KIF21A: variants seen among roughly 807,000 people sequenced by gnomAD.
The protein encoded by KIF21A is kinesin-like protein KIF21A.
Under a neutral mutation model 202.9 loss-of-function variants are expected in KIF21A, and 114 were observed. The observed-to-expected ratio is 0.56, with a 90% confidence interval of 0.48 to 0.66. The LOEUF (loss-of-function observed/expected upper bound fraction) is 0.66, where lower values mean the gene tolerates loss of function less well. Among genes scored for constraint, KIF21A ranks in the 30% least tolerant of loss-of-function variants. The pLI is 0.00. For missense variants in KIF21A, 1,677 were observed against 1,994.9 expected (o/e 0.84, Z 3.04); for synonymous variants, 667 against 670.8 (o/e 0.99, Z 0.09).
intron 1 of KIF21A, among the ~76,000 whole-genome samples, chr12:39,423,275 C>G (rs1479222317): frequency 6.6e-6 from 1 of 152,020 alleles, no homozygotes; most frequent in East Asian, 1.9e-4. Context: ...TTTCTTGCTC[C>G]CTAATGTAGT....
chr12:39,417,789 T>A (rs1325491545), intron 1 of KIF21A, among the ~76,000 whole-genome samples: 2 of 151,976 alleles, frequency 1.3e-5, no homozygotes, highest in African/African-American at 4.8e-5. Context: ...TATATATATA[T>A]TATTAATATA....
chr12:39,408,991 TTTTA>T (rs1019124917), intron 1 of KIF21A, among the ~76,000 whole-genome samples: 22 of 151,966 alleles, frequency 1.4e-4, no homozygotes, highest in African/African-American at 4.6e-4. Flanking sequence ...AGCTAATCTT[TTTTA>T]TTTTTTATTT....
chr12:39,307,061 T>C (rs534129439), intron 34 of KIF21A, among the ~76,000 whole-genome samples: 1 of 152,218 alleles, frequency 6.6e-6, no homozygotes, highest in Non-Finnish European at 1.5e-5. Context: ...TTTTAATTTA[T>C]CATTTTTTTC....
intron 1 of KIF21A, among the ~76,000 whole-genome samples, chr12:39,413,265 T>C (rs988834442): frequency 4.6e-5 from 7 of 152,200 alleles, no homozygotes. Flanking sequence ...AATCTTTGTT[T>C]CCAGTTTAAA....
chr12:39,344,738 T>C (rs552838965), intron 12 of KIF21A, among the ~76,000 whole-genome samples: 11 of 152,328 alleles, frequency 7.2e-5, no homozygotes, highest in Middle Eastern at 3.4e-3. Flanking sequence ...TTGATAGTTA[T>C]AATTTTTATA....
chr12:39,345,281 C>T (rs918411168), intron 12 of KIF21A, among the ~76,000 whole-genome samples: 2 of 152,076 alleles, frequency 1.3e-5, no homozygotes, highest in African/African-American at 4.8e-5. Flanking sequence ...TTTAATGACG[C>T]ATCTTATTTT....
chr12:39,330,760 C>T lies in KIF21A; in HGVS notation c.3305G>A (p.Gly1102Asp), dbSNP rs1946438829. The T allele has an allele frequency of 6.2e-7, 1 of 1,613,780 alleles. No homozygotes were observed. The highest frequency in any genetic ancestry group is 1.7e-5 in the Admixed American group (1 of 59,996). ...GAGCAAATTACCTTGTAAAGCATGG[C>T]CTAGTAAAGCATCTAGCTCAGGATT... Reference protein sequence around the residue: ...ELNPELDALLGHALQDLDSVP... With the variant: ...ELNPELDALLDHALQDLDSVP... Residue 1102 changes from glycine (G) to aspartate (D), a missense_variant, in exon 23 of 38, where the codon GGC (glycine) becomes GAC (aspartate). This residue lies in a region of KIF21A where 705 missense variants were observed against 791.9 expected (regional missense o/e 0.89). Transcript: ENST00000361418.
At chr12:39,436,448 A>ATATATATATATATATATTTTT (rs1387332677) in intron 1 of KIF21A, among the ~76,000 whole-genome samples, 4 of 95,764 alleles carry the variant, frequency 4.2e-5, no homozygotes, top group East Asian at 3.2e-4. Context: ...ATATATATAT[A>ATATATATATATATATATTTTT]TTTTTTTTTT....
At chr12:39,369,526 C>T (rs1361096737) in intron 3 of KIF21A, among the ~76,000 whole-genome samples, 2 of 152,074 alleles carry the variant, frequency 1.3e-5, no homozygotes, top group Non-Finnish European at 2.9e-5. Flanking sequence ...GGACATTGGT[C>T]AAGTGTTTAT....
At chr12:39,375,414 A>G (rs571749378) in intron 1 of KIF21A, among the ~76,000 whole-genome samples, 2 of 152,210 alleles carry the variant, frequency 1.3e-5, no homozygotes, top group South Asian at 4.1e-4. Context: ...CAAGACCCAG[A>G]CTGCTCTTTT....
chr12:39,373,025 T>C (rs1950059402), intron 1 of KIF21A, among the ~76,000 whole-genome samples: 1 of 152,186 alleles, frequency 6.6e-6, no homozygotes, highest in African/African-American at 2.4e-5. Flanking sequence ...CATTATCTCT[T>C]ACTTAGAATA....
In KIF21A at chr12:39,347,888, T is replaced by G. The variant is rs377280486; in HGVS notation, c.1674-1384A>C. On this transcript the variant is annotated intron_variant, in intron 11 of 37. Coordinates refer to ENST00000361418, the MANE Select transcript of KIF21A (RefSeq NM_001173464.2). Reference sequence around the variant, plus strand: ...ATCCAAAAATATGGGATTTAATGTGTGAATGGTAAATTTTCCTCGTCCACA... The same window carrying G: ...ATCCAAAAATATGGGATTTAATGTGGGAATGGTAAATTTTCCTCGTCCACA... Among the ~76,000 whole-genome samples the G allele has an allele frequency of 9.9e-4, 150 of 152,038 alleles. 1 individual carries two copies. The highest frequency in any genetic ancestry group is 3.3e-3 in the African/African-American group (138 of 41,434).
At chr12:39,328,638 G>A (rs1222657657) in intron 24 of KIF21A, among the ~76,000 whole-genome samples, 1 of 152,124 alleles carries the variant, frequency 6.6e-6, no homozygotes, top group Non-Finnish European at 1.5e-5. Context: ...GCTGGCCCTG[G>A]CTCATCCTCT....
chr12:39,415,503 A>G (rs1953502450), intron 1 of KIF21A, among the ~76,000 whole-genome samples: 1 of 152,040 alleles, frequency 6.6e-6, no homozygotes, highest in Non-Finnish European at 1.5e-5. Flanking sequence ...GCCTCCCAGC[A>G]GCCTCGGCCT....
At chr12:39,423,298 T>C (rs1457429290) in intron 1 of KIF21A, among the ~76,000 whole-genome samples, 1 of 152,008 alleles carries the variant, frequency 6.6e-6, no homozygotes, top group Non-Finnish European at 1.5e-5. Context: ...CCAGTATCTC[T>C]CTTCTTTTTT....
At chr12:39,294,628 T>G (rs1427779196) in intron 37 of KIF21A, 111 bp from the exon 38 acceptor site, 1 of 798,658 alleles carries the variant, frequency 1.3e-6, no homozygotes, top group African/African-American at 1.7e-5. Context: ...CTTCAAGAAA[T>G]CCAAGTATAA....
intron 1 of KIF21A, among the ~76,000 whole-genome samples, chr12:39,422,823 ATCTT>A (rs1436220932): frequency 6.6e-6 from 1 of 152,164 alleles, no homozygotes; most frequent in Non-Finnish European, 1.5e-5. Flanking sequence ...CCCATCATCT[ATCTT>A]TCATTTCCTT....
chr12:39,388,356 A>G (rs540936526), intron 1 of KIF21A, among the ~76,000 whole-genome samples: 41 of 152,304 alleles, frequency 2.7e-4, no homozygotes, highest in Non-Finnish European at 4.9e-4. Context: ...AGCCCTCACC[A>G]GAAGCAATGC....
chr12:39,421,777 AAAT>A (rs1954299228), intron 1 of KIF21A, among the ~76,000 whole-genome samples: 1 of 146,142 alleles, frequency 6.8e-6, no homozygotes, highest in African/African-American at 2.5e-5. Flanking sequence ...TTATATATAA[AAAT>A]AAAATATGTA....
Sources: gnomAD v4.1 joint callset for allele counts (sites outside exome capture counted in the v4.1 genomes callset) on GRCh38, gnomAD v4.1.1 for gene constraint, gnomAD v4.1.1 regional missense constraint, MANE v1.5 for transcripts, NCBI Gene and HGNC (gene_info 2026-07-23, HGNC 2026-07-21) for gene names.